NCOA6: variants seen among roughly 807,000 people sequenced by gnomAD.
NCOA6 encodes nuclear receptor coactivator 6.
A neutral mutation model predicts 171.4 loss-of-function variants in NCOA6; 49 were observed. The observed-to-expected ratio is 0.29, with a 90% confidence interval of 0.23 to 0.36. The LOEUF is 0.36. Among genes scored for constraint, NCOA6 ranks in the 10% least tolerant of loss-of-function variants. NCOA6 has a pLI of 1.00. For missense variants in NCOA6, 2,248 were observed against 2,554.5 expected, an observed-to-expected ratio of 0.88 and a Z score of 2.59; for synonymous variants, 910 against 927.5, an observed-to-expected ratio of 0.98 and a Z score of 0.34.
intron 11 of NCOA6, chr20:34,738,867 T>C (rs1357548811): frequency 2.2e-6 from 1 of 455,890 alleles, no homozygotes; most frequent in Non-Finnish European, 4.4e-6. Context: ...ACCCTGAAGT[T>C]TGTGTTCTTT....
At position 34,798,247 on chromosome 20, in the gene NCOA6, C is replaced by T. The variant is rs542757776; in HGVS notation, c.-163-5684G>A. ...GATGCCTCTGTTTGCAGAAAGAGGA[C>T]GAAAAAACGGGAAGGACTTTGTCTT... is the stretch of plus-strand genomic sequence containing the variant. On this transcript the variant is annotated intron_variant, in intron 1 of 14. Transcript: ENST00000359003. Among the ~76,000 whole-genome samples, 307 of 152,026 alleles carry T rather than the reference C, an allele frequency of 2.0e-3. 4 individuals carry two copies. Among genetic ancestry groups the T allele is most frequent in the Middle Eastern group, 0.017 (5 of 294 alleles).
At position 34,742,892 on chromosome 20, in the gene NCOA6, A is replaced by G. The variant is rs1436371842; in HGVS notation, c.3364T>C (p.Ser1122Pro). 1 of 1,614,166 alleles carries G rather than the reference A, an allele frequency of 6.2e-7. No homozygotes were observed. The highest frequency in any genetic ancestry group is 1.1e-5 in the South Asian group (1 of 91,078). ...MVYQESPQNP[S>P]SSPLAEMASL... The stretch of plus-strand genomic sequence containing the variant: ...GCCATCTCCGCCAGTGGCGAGCTGG[A>G]AGGATTCTGCGGGCTCTCCTGATAG... The change falls in exon 11 of 15, where the codon TCC becomes CCC. Residue 1122 changes from serine (S) to proline (P), a missense_variant. Coordinates refer to ENST00000359003, the MANE Select transcript of NCOA6 (RefSeq NM_014071.5).
At chr20:34,789,361 T>A (rs142012833) in intron 2 of NCOA6, among the ~76,000 whole-genome samples, 134 of 152,296 alleles carry the variant, frequency 8.8e-4, no homozygotes, top group African/African-American at 3.0e-3. Flanking sequence ...AAGGAGGAAA[T>A]CCAACAGTTT....
intron 1 of NCOA6, chr20:34,819,974 T>C (rs898561478): frequency 1.3e-5 from 2 of 152,078 alleles, no homozygotes; most frequent in African/African-American, 4.8e-5. Context: ...TAAATGATGC[T>C]GGGATCACTG....
At chr20:34,783,187 A>T (rs8122769) in intron 2 of NCOA6, among the ~76,000 whole-genome samples, 4 of 152,076 alleles carry the variant, frequency 2.6e-5, no homozygotes, top group Non-Finnish European at 4.4e-5. Flanking sequence ...AGGCTGAGGC[A>T]GGAGAATTGC....
intron 1 of NCOA6, among the ~76,000 whole-genome samples, chr20:34,793,173 T>C (rs2077951495): frequency 6.6e-6 from 1 of 152,122 alleles, no homozygotes; most frequent in South Asian, 2.1e-4. Context: ...TTAAGAATCA[T>C]AAAACTGTCA....
intron 14 of NCOA6, among the ~76,000 whole-genome samples, chr20:34,718,659 C>T (rs1333035702): frequency 6.6e-6 from 1 of 152,126 alleles, no homozygotes; most frequent in East Asian, 1.9e-4. Flanking sequence ...GCATGCACCA[C>T]CACGCCCAGC....
intron 5 of NCOA6, among the ~76,000 whole-genome samples, chr20:34,764,684 CAA>C (rs35459347): frequency 3.4e-5 from 4 of 117,704 alleles, no homozygotes; most frequent in Admixed American, 1.7e-4. Context: ...GACTCTGTCT[CAA>C]AAAAAAAAAA....
chr20:34,798,984 A>C (rs1342885458), intron 1 of NCOA6, among the ~76,000 whole-genome samples: 2 of 152,220 alleles, frequency 1.3e-5, no homozygotes, highest in Non-Finnish European at 2.9e-5. Context: ...TGACCTCACC[A>C]AATGAACTAA....
intron 9 of NCOA6, among the ~76,000 whole-genome samples, chr20:34,748,171 T>G (rs558115823): frequency 6.6e-6 from 1 of 152,292 alleles, no homozygotes; most frequent in South Asian, 2.1e-4. Flanking sequence ...CTTGCAATTT[T>G]ACTCCCAGAC....
At chr20:34,797,453 CA>C (rs754119995) in intron 1 of NCOA6, among the ~76,000 whole-genome samples, 43 of 152,144 alleles carry the variant, frequency 2.8e-4, no homozygotes, top group Middle Eastern at 3.4e-3. Flanking sequence ...CATGAGGCCC[CA>C]AATAATCAGC....
At chr20:34,778,103 C>T (rs1279576872) in intron 3 of NCOA6, among the ~76,000 whole-genome samples, 14 of 152,176 alleles carry the variant, frequency 9.2e-5, no homozygotes, top group Admixed American at 8.5e-4. Context: ...CAGGGTTTCA[C>T]CATGTTGGCC....
At chr20:34,779,489 G>C (rs1057260368) in intron 3 of NCOA6, among the ~76,000 whole-genome samples, 3 of 152,180 alleles carry the variant, frequency 2.0e-5, no homozygotes, top group African/African-American at 7.2e-5. Flanking sequence ...ATTCCAGCCT[G>C]GGTGATGGGG....
chr20:34,803,125 A>G (rs1380020855), intron 1 of NCOA6, among the ~76,000 whole-genome samples: 1 of 152,118 alleles, frequency 6.6e-6, no homozygotes, highest in Non-Finnish European at 1.5e-5. Flanking sequence ...ATAAAATTAG[A>G]AATGAAAATA....
chr20:34,721,238 C>CAAAAAAAAAAAAAAAAAAAAAAAAAA (rs10531679), intron 14 of NCOA6, among the ~76,000 whole-genome samples: 3 of 66,042 alleles, frequency 4.5e-5, no homozygotes, highest in African/African-American at 1.9e-4. Flanking sequence ...TTCCTCTATA[C>CAAAAAAAAAAAAAAAAAAAAAAAAAA]AAAAAAAAAA....
At chr20:34,728,490 G>T (rs1019106364) in intron 13 of NCOA6, among the ~76,000 whole-genome samples, 2 of 152,084 alleles carry the variant, frequency 1.3e-5, no homozygotes, top group African/African-American at 4.8e-5. Flanking sequence ...GGGGAGAGGG[G>T]TGCTACCGGA....
At position 34,757,515 on chromosome 20, in the gene NCOA6, G is replaced by A. The variant is rs1378510017; in HGVS notation, c.1233C>T (p.Pro411=). 1 of 1,614,012 alleles carries A rather than the reference G, an allele frequency of 6.2e-7. No individual in the cohort carries two copies. Among genetic ancestry groups the A allele is most frequent in the East Asian group, 2.2e-5 (1 of 44,880 alleles). ...APQMKSLQGG[P]SRVPTPLQQP... is the part of the protein sequence containing the mutation. ...GCTGCAAGGGAGTTGGGACCCTAGA[G>A]GGCCCTCCCTGCAAACTCTTCATCT... is the stretch of plus-strand genomic sequence containing the variant. The change falls in exon 7 of 15, where the codon CCC becomes CCT. Residue 411 remains proline, a synonymous_variant. Coordinates refer to ENST00000359003, the MANE Select transcript of NCOA6 (RefSeq NM_014071.5).
intron 1 of NCOA6, among the ~76,000 whole-genome samples, chr20:34,798,563 G>C (rs1727188681): frequency 6.6e-6 from 1 of 152,166 alleles, no homozygotes; most frequent in South Asian, 2.1e-4. Context: ...TAGTTTCAGT[G>C]GTGGGGTGGC....
chr20:34,750,952 T>C (rs1048542600), intron 8 of NCOA6, among the ~76,000 whole-genome samples: 3 of 151,886 alleles, frequency 2.0e-5, no homozygotes, highest in Non-Finnish European at 4.4e-5. Context: ...AGGTGGAGGT[T>C]GAAGTGAGCC....
Sources: gnomAD v4.1 joint callset for allele counts (sites outside exome capture counted in the v4.1 genomes callset) on GRCh38, gnomAD v4.1.1 for gene constraint, MANE v1.5 for transcripts, NCBI Gene and HGNC (gene_info 2026-07-23, HGNC 2026-07-21) for gene names.